The following MAMLD1 variants were observed in gnomAD, a reference collection of about 807,000 sequenced individuals.
MAMLD1 encodes the protein mastermind-like domain-containing protein 1.
MAMLD1 carries 14 observed loss-of-function variants against 45.0 expected under a neutral mutation model. The ratio of observed to expected loss-of-function variants is 0.31; its 90% confidence interval spans 0.21 to 0.49. The LOEUF (loss-of-function observed/expected upper bound fraction) is 0.49. Ranked by LOEUF, MAMLD1 falls within the 20% of genes least tolerant of loss-of-function variation. MAMLD1 has a pLI of 0.99. For missense variants in MAMLD1, 543 were observed against 603.6 expected (o/e 0.90, Z 1.05); for synonymous variants, 254 against 247.8 (o/e 1.02, Z -0.24).
intron 2 of MAMLD1, among the ~76,000 whole-genome samples, chrX:150,458,947 G>A (rs2035954702): frequency 8.9e-6 from 1 of 112,059 alleles, no homozygotes; most frequent in South Asian, 3.7e-4. Flanking sequence ...ACAGCACTGT[G>A]GCTATATTTA....
Position 150,513,288 on chromosome X carries a change from G to C in MAMLD1, c.*1329G>C. The C allele has an allele frequency of 2.5e-6, 1 of 399,083 alleles. No homozygotes were observed. Among genetic ancestry groups the C allele is most frequent in the Non-Finnish European group, 4.3e-6 (1 of 232,906 alleles). 32.9% of individuals were successfully genotyped at this position (399,083 alleles called of 1,213,427 possible). A position where few individuals can be genotyped will look rare whatever the true frequency, so the allele number is the denominator to read the frequency against. On this transcript the variant is annotated 3_prime_UTR_variant, in exon 8 of 8. Coordinates refer to ENST00000370401, the MANE Select transcript of MAMLD1 (RefSeq NM_005491.5). ...GTAAATGGTTTTCCTAAACATTAAT[G>C]ACAGAAGTATTTATACTTCATTTTG...
At chrX:150,475,067 T>A (rs2036545072) in intron 5 of MAMLD1, among the ~76,000 whole-genome samples, 1 of 112,281 alleles carries the variant, frequency 8.9e-6, no homozygotes, top group Admixed American at 9.4e-5. Context: ...CTCCCAAGTT[T>A]TACTGATGGC....
At chrX:150,380,779 G>A (rs1447088209) in intron 1 of MAMLD1, among the ~76,000 whole-genome samples, 1 of 110,221 alleles carries the variant, frequency 9.1e-6, no homozygotes, top group Non-Finnish European at 1.9e-5. Flanking sequence ...GAGACAGGGT[G>A]TCACTCTTTC....
chrX:150,449,948 A>G (rs2035609113), intron 2 of MAMLD1, among the ~76,000 whole-genome samples: 1 of 111,709 alleles, frequency 9.0e-6, no homozygotes, highest in Admixed American at 9.4e-5. Context: ...CCACTTCCCC[A>G]GGGTGGAGAC....
At chrX:150,476,068 A>G (rs1259180050) in intron 5 of MAMLD1, among the ~76,000 whole-genome samples, 1 of 112,130 alleles carries the variant, frequency 8.9e-6, no homozygotes. Flanking sequence ...CCAAATTTAC[A>G]AAAGTAAAAT....
At position 150,363,538 on chromosome X, in the gene MAMLD1, T is replaced by A. The variant is rs2031139300; in HGVS notation, c.-64+8T>A. 9.1e-6 allele frequency: 1 copy of A among 109,463 alleles called. No individual in the cohort carries two copies. The highest frequency in any genetic ancestry group is 2.0e-5 in the Non-Finnish European group (1 of 51,211). The allele number at this position is 109,463 out of a possible 1,213,427, so 9.0% of individuals were successfully genotyped here. A position where few individuals can be genotyped will look rare whatever the true frequency, so the allele number is the denominator to read the frequency against. On this transcript the variant is annotated splice_region_variant and intron_variant, in intron 1 of 7. Transcript: ENST00000370401. ...CCGGAGCTCTGCAGCACGGTAAGGCTGAGGGCGGGTGCAGGAAGTCTGACT... is the reference window on the plus strand; with the variant it reads ...CCGGAGCTCTGCAGCACGGTAAGGCAGAGGGCGGGTGCAGGAAGTCTGACT...
At chrX:150,479,996 G>A (rs1261761790) in intron 5 of MAMLD1, among the ~76,000 whole-genome samples, 1 of 111,383 alleles carries the variant, frequency 9.0e-6, no homozygotes, top group Non-Finnish European at 1.9e-5. Context: ...AGCAAAGGAT[G>A]AGTACTCAGA....
chrX:150,404,996 G>T (rs1557402625), intron 1 of MAMLD1, among the ~76,000 whole-genome samples: 1 of 112,452 alleles, frequency 8.9e-6, no homozygotes, highest in Non-Finnish European at 1.9e-5. Flanking sequence ...TAGCTATACA[G>T]GTGTTTGTAT....
intron 1 of MAMLD1, among the ~76,000 whole-genome samples, chrX:150,439,601 G>A (rs1266637454): frequency 9.0e-6 from 1 of 111,316 alleles, no homozygotes; most frequent in South Asian, 3.8e-4. Flanking sequence ...CTCATTGAGT[G>A]GTGTTGGCAC....
chrX:150,446,851 C>G (rs1161799138), intron 2 of MAMLD1, among the ~76,000 whole-genome samples: 1 of 112,828 alleles, frequency 8.9e-6, no homozygotes, highest in Non-Finnish European at 1.9e-5. Flanking sequence ...CCTGATAATG[C>G]TCCCAGAGTC....
rs1557406342 is a variant in MAMLD1 at position 150,470,586 on chromosome X, C to T, written c.1013C>T (p.Pro338Leu). 1 of 1,211,857 alleles carries T rather than the reference C, an allele frequency of 8.3e-7. No homozygotes were observed. Residue 338 changes from proline (P) to leucine (L), a missense_variant, in exon 4 of 8, where the codon CCA becomes CTA. Coordinates refer to ENST00000370401, the MANE Select transcript of MAMLD1 (RefSeq NM_005491.5). ...WSGLPPPGLS[P>L]PYRPVPSPHP... ...GGTCTGCCTCCTCCAGGACTCTCTC[C>T]ACCTTACCGCCCAGTGCCATCACCA...
intron 7 of MAMLD1, among the ~76,000 whole-genome samples, chrX:150,511,057 A>G (rs1178764268): frequency 8.9e-6 from 1 of 112,252 alleles, no homozygotes; most frequent in African/African-American, 3.2e-5. Context: ...CACCATTACA[A>G]GAGAAAAAAT....
At chrX:150,420,806 C>A (rs370740508) in intron 1 of MAMLD1, among the ~76,000 whole-genome samples, 3 of 112,246 alleles carry the variant, frequency 2.7e-5, no homozygotes, top group African/African-American at 9.7e-5. Flanking sequence ...CTCAGATCTC[C>A]AGCTGTGTGC....
intron 1 of MAMLD1, among the ~76,000 whole-genome samples, chrX:150,373,946 G>A (rs997295119): frequency 8.9e-6 from 1 of 112,048 alleles, no homozygotes; most frequent in East Asian, 2.8e-4. Flanking sequence ...ACCATGCCTG[G>A]CATAAAGCTG....
In MAMLD1 at chrX:150,470,007, T is replaced by C. The variant is rs1371512918; in HGVS notation, c.434T>C (p.Phe145Ser). ...PMNGNIMGSP[F>S]VVPQTTEVGL... Reference sequence around the variant, plus strand: ...AATGGCAACATCATGGGCTCACCATTTGTAGTACCACAGACTACAGAAGTG... The same window carrying C: ...AATGGCAACATCATGGGCTCACCATCTGTAGTACCACAGACTACAGAAGTG... Residue 145 changes from phenylalanine (F) to serine (S), a missense_variant, in exon 4 of 8, where the codon TTT becomes TCT. Transcript: ENST00000370401. 6.6e-6 allele frequency: 8 copies of C among 1,211,731 alleles called. No homozygotes were observed. The highest frequency in any genetic ancestry group is 8.9e-6 in the Non-Finnish European group (8 of 895,496).
chrX:150,367,776 T>C (rs2031604116), intron 1 of MAMLD1, among the ~76,000 whole-genome samples: 1 of 109,023 alleles, frequency 9.2e-6, no homozygotes, highest in African/African-American at 3.4e-5. Flanking sequence ...GTTCTCATTG[T>C]TCAATTCCCA....
chrX:150,496,231 G>T (rs188429723), intron 5 of MAMLD1, among the ~76,000 whole-genome samples: 10 of 112,492 alleles, frequency 8.9e-5, no homozygotes, highest in African/African-American at 3.2e-4. Flanking sequence ...GTGGGGGTTG[G>T]GGTGAGGGTT....
chrX:150,484,701 T>C (rs1256575042), intron 5 of MAMLD1, among the ~76,000 whole-genome samples: 4 of 112,533 alleles, frequency 3.6e-5, no homozygotes, highest in Non-Finnish European at 7.5e-5. Context: ...GCTTTCTGAA[T>C]GACAACGTGG....
intron 5 of MAMLD1, among the ~76,000 whole-genome samples, chrX:150,497,818 T>C (rs782068897): frequency 8.9e-4 from 100 of 111,947 alleles, no homozygotes; most frequent in African/African-American, 3.1e-3. Flanking sequence ...AAGTTTCACT[T>C]GGGCACTTTG....
Sources: allele counts gnomAD v4.1 joint callset (sites outside exome capture counted in the v4.1 genomes callset), GRCh38; gene constraint gnomAD v4.1.1; transcripts MANE v1.5; gene names NCBI Gene and HGNC (gene_info 2026-07-23, HGNC 2026-07-21).